CD244: variants seen among roughly 807,000 people sequenced by gnomAD.
CD244 encodes CD244 molecule, also known as natural killer cell receptor 2B4.
A neutral mutation model predicts 45.5 loss-of-function variants in CD244; 20 were observed. That is an observed-to-expected ratio of 0.44 (90% CI 0.31 to 0.64). The LOEUF (loss-of-function observed/expected upper bound fraction) is 0.64, where lower values mean the gene tolerates loss of function less well. CD244 is among the 30% of genes least tolerant of loss of function. The probability of loss-of-function intolerance (pLI) is 0.08; values close to 1 mark genes in which losing one functional copy is unlikely to be tolerated. For synonymous variants in CD244, 185 were observed against 160.5 expected, an observed-to-expected ratio of 1.15 and a Z score of -1.15; for missense variants, 407 against 426.9, an observed-to-expected ratio of 0.95 and a Z score of 0.41.
At position 160,854,194 on chromosome 1, in the gene CD244, G is replaced by A. The variant is rs184522006; in HGVS notation, c.61+8423C>T. ...ATTTTTATCTTTTATAAAATTGTGA[G>A]AGGTAGCACAAGTATTAAAAGGTAC... On this transcript the variant is annotated intron_variant, in intron 1 of 8. Transcript: ENST00000368034. Among the ~76,000 whole-genome samples the A allele has an allele frequency of 2.2e-4, 34 of 152,318 alleles. No individual in the cohort carries two copies. The East Asian group carries it at 6.4e-3, about 29-fold the overall frequency.
chr1:160,832,687 C>T (rs759431411), intron 7 of CD244, 112 bp from the exon 8 acceptor site: 2 of 1,551,118 alleles, frequency 1.3e-6, no homozygotes, highest in African/African-American at 1.4e-5. Flanking sequence ...TTCTGAGGCA[C>T]TCTCAGCCAG....
chr1:160,858,449 G>A (rs1012750813), intron 1 of CD244, among the ~76,000 whole-genome samples: 12 of 152,040 alleles, frequency 7.9e-5, no homozygotes, highest in Admixed American at 2.6e-4. Context: ...AAGCATCTGG[G>A]GATTCATAGC....
At chr1:160,856,389 A>C (rs968728403) in intron 1 of CD244, among the ~76,000 whole-genome samples, 1 of 152,174 alleles carries the variant, frequency 6.6e-6, no homozygotes, top group Admixed American at 6.5e-5. Context: ...TTGTTTCTCC[A>C]TGATAACAAG....
intron 8 of CD244, among the ~76,000 whole-genome samples, chr1:160,831,937 G>A (rs16832445): frequency 0.065 from 9,918 of 152,148 alleles, 841 homozygotes; most frequent in African/African-American, 0.2. Context: ...CATTCTGTGA[G>A]GACTAAATAA....
chr1:160,845,630 T>C (rs1457460623), intron 1 of CD244, among the ~76,000 whole-genome samples: 1 of 152,082 alleles, frequency 6.6e-6, no homozygotes, highest in African/African-American at 2.4e-5. Flanking sequence ...CCCAGGTGGA[T>C]GGATCACCTG....
At chr1:160,856,705 T>C (rs1670119162) in intron 1 of CD244, among the ~76,000 whole-genome samples, 1 of 152,182 alleles carries the variant, frequency 6.6e-6, no homozygotes, top group Non-Finnish European at 1.5e-5. Flanking sequence ...ATCTGTTTCA[T>C]CTTTGTTTCC....
intron 1 of CD244, among the ~76,000 whole-genome samples, chr1:160,854,419 G>C (rs1410036344): frequency 1.3e-5 from 2 of 152,138 alleles, no homozygotes; most frequent in African/African-American, 4.8e-5. Flanking sequence ...GTCTCGCTCT[G>C]TCACCCAGAC....
At chr1:160,836,101 A>T in intron 6 of CD244, 94 bp downstream of exon 6, 1 of 920,158 alleles carries the variant, frequency 1.1e-6, no homozygotes, top group Non-Finnish European at 1.8e-6. Context: ...AAGCACCAAG[A>T]TCTTATTCTG....
In CD244 at chr1:160,841,246, G is replaced by C. The variant is rs1669530983; in HGVS notation, c.619C>G (p.Leu207Val). The C allele has an allele frequency of 6.2e-7, 1 of 1,614,218 alleles. No homozygotes were observed. The change falls in exon 3 of 9, where the codon CTG (leucine) becomes GTG (valine). Residue 207 changes from leucine (L) to valine (V), a missense_variant. Physicochemically the swap from Leu to Val is conservative, Grantham distance 32. Coordinates refer to ENST00000368034, the MANE Select transcript of CD244 (RefSeq NM_016382.4). ...SNPVSWESHT[L>V]NLTQDCQNAH... Reference sequence around the variant, plus strand: ...TTCTGACAGTCCTGAGTGAGATTCAGGGTGTGGCTTTCCCAGCTAACAGGA... The same window carrying C: ...TTCTGACAGTCCTGAGTGAGATTCACGGTGTGGCTTTCCCAGCTAACAGGA...
chr1:160,838,955 C>T lies in CD244; in HGVS notation c.750G>A (p.Arg250=), dbSNP rs368410544. Residue 250 remains arginine, a synonymous_variant, in exon 4 of 9, where the codon AGG becomes AGA. Coordinates refer to ENST00000368034, the MANE Select transcript of CD244 (RefSeq NM_016382.4). ...LACFCVWRRK[R]KEKQSETSPK... ...TCCACTCACCTGACTGCTTCTCCTT[C>T]CTCTTTCTCCTCCACACACAGAAGC... 77 of 1,613,070 alleles carry T rather than the reference C, an allele frequency of 4.8e-5. No homozygotes were observed. The highest frequency in any genetic ancestry group is 1.6e-4 in the Middle Eastern group (1 of 6,082).
At chr1:160,848,247 G>T in intron 1 of CD244, 1 of 557,880 alleles carries the variant, frequency 1.8e-6, no homozygotes. Flanking sequence ...TTCATCTATG[G>T]GGTGAAATTT....
At chr1:160,852,417 G>A (rs1669951498) in intron 1 of CD244, among the ~76,000 whole-genome samples, 1 of 151,958 alleles carries the variant, frequency 6.6e-6, no homozygotes, top group Non-Finnish European at 1.5e-5. Context: ...GAGCACGGTG[G>A]TGGCGCCTGT....
chr1:160,832,893 C>CAT (rs1669182141), intron 7 of CD244, among the ~76,000 whole-genome samples: 1 of 146,554 alleles, frequency 6.8e-6, no homozygotes, highest in Admixed American at 6.8e-5. Context: ...TATATACACA[C>CAT]ACACATATAT....
chr1:160,854,678 CCCAG>C (rs1670043606), intron 1 of CD244, among the ~76,000 whole-genome samples: 1 of 152,106 alleles, frequency 6.6e-6, no homozygotes, highest in African/African-American at 2.4e-5. Flanking sequence ...AGCCACCACT[CCCAG>C]CCATAGACTT....
chr1:160,838,839 G>A (rs1669425639), intron 4 of CD244, 100 bp downstream of exon 4: 1 of 774,714 alleles, frequency 1.3e-6, no homozygotes, highest in Admixed American at 2.7e-5. Flanking sequence ...TTGAGGAAAA[G>A]GAGATGCTGT....
At position 160,838,970 on chromosome 1, in the gene CD244, C is replaced by T. The variant is rs1669433807; in HGVS notation, c.735G>A (p.Val245=). The change falls in exon 4 of 9, where the codon GTG becomes GTA. Residue 245 remains valine, a synonymous_variant. Transcript: ENST00000368034. The part of the protein sequence containing the change: ...LFLGTLACFC[V]WRRKRKEKQS... ...GCTTCTCCTTCCTCTTTCTCCTCCACACACAGAAGCAGGCAAGGGTGCCAA... is the reference window on the plus strand; with the variant it reads ...GCTTCTCCTTCCTCTTTCTCCTCCATACACAGAAGCAGGCAAGGGTGCCAA... 1.2e-6 allele frequency: 2 copies of T among 1,613,880 alleles called. No individual in the cohort carries two copies. The highest frequency in any genetic ancestry group is 1.1e-5 in the South Asian group (1 of 91,076).
intron 1 of CD244, among the ~76,000 whole-genome samples, chr1:160,844,050 A>G (rs1468819399): frequency 6.6e-6 from 1 of 152,248 alleles, no homozygotes; most frequent in African/African-American, 2.4e-5. Flanking sequence ...ACTGAAGCTC[A>G]ATTTTGAATC....
intron 1 of CD244, among the ~76,000 whole-genome samples, chr1:160,850,161 T>A (rs1016811531): frequency 6.6e-6 from 1 of 152,168 alleles, no homozygotes; most frequent in Non-Finnish European, 1.5e-5. Flanking sequence ...ACAAAAATCA[T>A]TTTTATTTCT....
chr1:160,850,346 T>C (rs76698225), intron 1 of CD244, among the ~76,000 whole-genome samples: 366 of 152,242 alleles, frequency 2.4e-3, no homozygotes, highest in Non-Finnish European at 4.0e-3. Flanking sequence ...CAGGAGACTA[T>C]ACCATGGTTT....
Sources: gnomAD v4.1 joint callset for allele counts (sites outside exome capture counted in the v4.1 genomes callset) on GRCh38, gnomAD v4.1.1 for gene constraint, MANE v1.5 for transcripts, NCBI Gene and HGNC (gene_info 2026-07-23, HGNC 2026-07-21) for gene names.